Variants in PRRX1 observed in about 807,000 individuals in gnomAD.
The protein encoded by PRRX1 is paired mesoderm homeobox protein 1.
In PRRX1, 8 loss-of-function variants were observed where a neutral mutation model predicts 24.0. That is an observed-to-expected ratio of 0.33 (90% CI 0.20 to 0.60). The LOEUF is 0.60. Ranked by LOEUF, PRRX1 falls within the 20% of genes least tolerant of loss-of-function variation. PRRX1 has a pLI of 0.82. For missense variants in PRRX1, 281 were observed against 322.4 expected (o/e 0.87, Z 0.98); for synonymous variants, 160 against 131.7 (o/e 1.22, Z -1.47).
At chr1:170,674,819 TA>T (rs1340520162) in intron 1 of PRRX1, among the ~76,000 whole-genome samples, 1 of 152,228 alleles carries the variant, frequency 6.6e-6, no homozygotes, top group Non-Finnish European at 1.5e-5. Flanking sequence ...GAAAATGTAT[TA>T]TTGTACATTT....
chr1:170,669,812 A>G (rs1653086238), intron 1 of PRRX1, among the ~76,000 whole-genome samples: 1 of 152,302 alleles, frequency 6.6e-6, no homozygotes, highest in African/African-American at 2.4e-5. Flanking sequence ...CACTTTCAAC[A>G]GCTCTGGAAA....
At chr1:170,735,585 A>G (rs1020248800) in intron 3 of PRRX1, among the ~76,000 whole-genome samples, 1 of 152,196 alleles carries the variant, frequency 6.6e-6, no homozygotes, top group African/African-American at 2.4e-5. Context: ...GTTAGAATTA[A>G]GGTCAGTTAT....
In PRRX1 at chr1:170,664,422, G is replaced by A. The variant is rs759679693; in HGVS notation, c.204G>A (p.Pro68=). The part of the protein sequence containing the change: ...GEAGRSLLES[P]GLTSGSDTPQ... ...CTGGCCGGAGCCTGCTGGAGTCGCC[G>A]GGACTCACCAGCGGCAGCGACACCC... The change falls in exon 1 of 4, where the codon CCG becomes CCA. Residue 68 remains proline (P), a synonymous_variant. Transcript: ENST00000239461. The A allele has an allele frequency of 4.3e-6, 7 of 1,609,910 alleles. No individual in the cohort carries two copies. Among genetic ancestry groups the A allele is most frequent in the Non-Finnish European group, 5.9e-6 (7 of 1,178,650 alleles).
rs1377959142 is a variant in PRRX1 at position 170,726,204 on chromosome 1, C to G, written c.418-16C>G. 1.2e-6 allele frequency: 2 copies of G among 1,611,358 alleles called. No homozygotes were observed. Among genetic ancestry groups the G allele is most frequent in the Non-Finnish European group, 1.7e-6 (2 of 1,177,796 alleles). On this transcript the variant is annotated splice_polypyrimidine_tract_variant and intron_variant, in intron 2 of 3. Coordinates refer to ENST00000239461, the MANE Select transcript of PRRX1 (RefSeq NM_022716.4). ...TCTCTTTCCTTATGCCTTCTTGCCT[C>G]CTAACAATCCTCCAGGTGTGGTTTC...
chr1:170,726,042 A>G (rs545260176), intron 2 of PRRX1, among the ~76,000 whole-genome samples, 178 bp from the exon 3 acceptor site: 4 of 152,174 alleles, frequency 2.6e-5, no homozygotes, highest in Non-Finnish European at 5.9e-5. Flanking sequence ...AATGGCCCTC[A>G]TTGAGGGAAG....
intron 2 of PRRX1, among the ~76,000 whole-genome samples, chr1:170,721,483 C>T (rs1321570424): frequency 6.6e-6 from 1 of 152,080 alleles, no homozygotes; most frequent in African/African-American, 2.4e-5. Flanking sequence ...ATGCAGAGAT[C>T]CTAGTGCTCC....
At chr1:170,720,027 G>C (rs1655030513) in intron 2 of PRRX1, 126 bp downstream of exon 2, 1 of 1,281,930 alleles carries the variant, frequency 7.8e-7, no homozygotes, top group African/African-American at 1.5e-5. Flanking sequence ...CAGCACGTTG[G>C]GAGGTTGAGG....
chr1:170,721,295 A>T (rs1363574339), intron 2 of PRRX1, among the ~76,000 whole-genome samples: 5 of 152,164 alleles, frequency 3.3e-5, no homozygotes, highest in Non-Finnish European at 7.3e-5. Flanking sequence ...CTTCCTTACA[A>T]AATTATTGTT....
chr1:170,709,082 G>A (rs1654662686), intron 1 of PRRX1, among the ~76,000 whole-genome samples: 1 of 152,164 alleles, frequency 6.6e-6, no homozygotes, highest in Non-Finnish European at 1.5e-5. Context: ...CAGGTAAGGT[G>A]CCTACCCTCA....
intron 1 of PRRX1, among the ~76,000 whole-genome samples, chr1:170,681,581 T>C (rs565058535): frequency 2.0e-5 from 3 of 151,152 alleles, no homozygotes; most frequent in South Asian, 2.1e-4. Context: ...TCAGTGAACA[T>C]AAATGAAGAA....
At chr1:170,696,934 T>C (rs1654189936) in intron 1 of PRRX1, among the ~76,000 whole-genome samples, 1 of 152,090 alleles carries the variant, frequency 6.6e-6, no homozygotes, top group South Asian at 2.1e-4. Flanking sequence ...TTTTTGAACT[T>C]AATAGAGCTA....
intron 1 of PRRX1, among the ~76,000 whole-genome samples, chr1:170,711,272 G>C (rs1654739118): frequency 6.6e-6 from 1 of 151,948 alleles, no homozygotes; most frequent in African/African-American, 2.4e-5. Context: ...AATTACCTTT[G>C]GTTCTATCTC....
chr1:170,736,671 C>A lies in PRRX1; in HGVS notation c.*485C>A, dbSNP rs561133714. ...TCTTTATAGAAGCTCTAGGAGCTTTCGAAAAGCCAAAGTCTTTCTGAAGAA... is the reference window on the plus strand; with the variant it reads ...TCTTTATAGAAGCTCTAGGAGCTTTAGAAAAGCCAAAGTCTTTCTGAAGAA... On this transcript the variant is annotated 3_prime_UTR_variant, in exon 4 of 4. Coordinates refer to ENST00000239461, the MANE Select transcript of PRRX1 (RefSeq NM_022716.4). The A allele has an allele frequency of 5.1e-6, 1 of 194,918 alleles. No homozygotes were observed. Among genetic ancestry groups the A allele is most frequent in the African/African-American group, 2.3e-5 (1 of 42,784 alleles). The allele number at this position is 194,918 out of a possible 1,614,324, so 12.1% of individuals were successfully genotyped here.
chr1:170,689,404 A>T (rs1195196074), intron 1 of PRRX1, among the ~76,000 whole-genome samples: 2 of 152,156 alleles, frequency 1.3e-5, no homozygotes, highest in Non-Finnish European at 2.9e-5. Flanking sequence ...AATTTACTTA[A>T]TGCAAATGAC....
chr1:170,734,511 T>C (rs1571353304), intron 3 of PRRX1, among the ~76,000 whole-genome samples: 1 of 152,286 alleles, frequency 6.6e-6, no homozygotes, highest in Non-Finnish European at 1.5e-5. Context: ...GTTTAGTGTG[T>C]TATAAAAGAA....
In PRRX1 at chr1:170,701,470, C is replaced by T. The variant is rs114762258; in HGVS notation, c.242-18256C>T. 2.4e-3 allele frequency among the ~76,000 whole-genome samples: 364 copies of T among 152,266 alleles called. 5 individuals are homozygous for T. Among genetic ancestry groups the T allele is most frequent in the African/African-American group, 8.5e-3 (355 of 41,544 alleles). On this transcript the variant is annotated intron_variant, in intron 1 of 3. Coordinates refer to ENST00000239461, the MANE Select transcript of PRRX1 (RefSeq NM_022716.4). ...TTTAAAGGCTCATATAATCCTTGGG[C>T]ATGAAATCAGTTTAACTTGTGGGCA...
At chr1:170,721,976 CA>C (rs34255938) in intron 2 of PRRX1, among the ~76,000 whole-genome samples, 3,055 of 138,388 alleles carry the variant, frequency 0.022, 75 homozygotes, top group African/African-American at 0.073. Context: ...GTGGACATTT[CA>C]AAAAAAAAAA....
At chr1:170,704,054 T>G (rs1048899217) in intron 1 of PRRX1, among the ~76,000 whole-genome samples, 1 of 152,232 alleles carries the variant, frequency 6.6e-6, no homozygotes, top group Non-Finnish European at 1.5e-5. Flanking sequence ...CCATTTTTAT[T>G]CTGAAATATA....
At chr1:170,708,028 T>A (rs1014976916) in intron 1 of PRRX1, among the ~76,000 whole-genome samples, 1 of 152,234 alleles carries the variant, frequency 6.6e-6, no homozygotes, top group Non-Finnish European at 1.5e-5. Context: ...TTTCTGGTTA[T>A]CATTTTATGT....
Sources: allele counts gnomAD v4.1 joint callset (sites outside exome capture counted in the v4.1 genomes callset), GRCh38; gene constraint gnomAD v4.1.1; transcripts MANE v1.5; gene names NCBI Gene and HGNC (gene_info 2026-07-23, HGNC 2026-07-21).